ITGAL: variants seen among roughly 807,000 people sequenced by gnomAD.
ITGAL encodes the protein integrin subunit alpha L.
ITGAL carries 68 observed loss-of-function variants against 138.4 expected under a neutral mutation model. The ratio of observed to expected loss-of-function variants is 0.49; its 90% CI spans 0.40 to 0.60. ITGAL has a LOEUF of 0.60. ITGAL is among the 20% of genes least tolerant of loss of function. ITGAL has a pLI of 0.00. For missense variants in ITGAL, 1,256 were observed against 1,478.6 expected (o/e 0.85, Z 2.47); for synonymous variants, 561 against 584.3 (o/e 0.96, Z 0.57).
chr16:30,481,616 C>T lies in ITGAL; in HGVS notation c.722+32C>T, dbSNP rs889736287. ...TCCCTTTTGCAGGAGAGCACGTGTCCTGTGATTTGTTCTGGGTGATCTACC... is the reference window on the plus strand; with the variant it reads ...TCCCTTTTGCAGGAGAGCACGTGTCTTGTGATTTGTTCTGGGTGATCTACC... On this transcript the variant is annotated intron_variant, in intron 7 of 30. Transcript: ENST00000356798. 3.1e-6 allele frequency: 5 copies of T among 1,610,300 alleles called. No homozygotes were observed. In the African/African-American group the frequency reaches 6.7e-5, roughly 22 times the overall value.
intron 20 of ITGAL, among the ~76,000 whole-genome samples, chr16:30,506,476 G>A (rs1424991152): frequency 7.1e-6 from 1 of 141,010 alleles, no homozygotes; most frequent in Non-Finnish European, 1.5e-5. Flanking sequence ...GGAGAATGGC[G>A]TGAACCCGGG....
rs1567464671 is a variant in ITGAL, at chr16:30,481,185, A to ACAC, written c.577-253_577-251dup. The stretch of plus-strand genomic sequence containing the variant: ...ACACACACACACACACACACACACC[A>ACAC]CACACACACAAATATTCGGGTGTGG... On this transcript the variant is annotated intron_variant, in intron 6 of 30. Transcript: ENST00000356798. 44 of 373,596 alleles carry ACAC rather than the reference A, an allele frequency of 1.2e-4. No homozygotes were observed. In the East Asian group the frequency reaches 1.2e-3, roughly 10 times the overall value. The allele number at this position is 373,596 out of a possible 1,614,324, so 23.1% of individuals were successfully genotyped here.
intron 7 of ITGAL, 115 bp from the exon 8 acceptor site, chr16:30,483,712 A>T: frequency 8.7e-7 from 1 of 1,150,224 alleles, no homozygotes; most frequent in South Asian, 1.5e-5. Context: ...GGCCTGGGAG[A>T]TCCAGGAAGG....
chr16:30,479,059 A>T (rs1282610407), intron 4 of ITGAL, 32 bp from the exon 5 acceptor site: 1 of 1,552,182 alleles, frequency 6.4e-7, no homozygotes, highest in Non-Finnish European at 8.9e-7. Context: ...AGCAAATAGG[A>T]GACCCAAATC....
rs776423116 is a variant in ITGAL at position 30,510,929 on chromosome 16, G to T, written c.2668G>T (p.Asp890Tyr). The T allele has an allele frequency of 6.2e-7, 1 of 1,613,910 alleles. No homozygotes were observed. The highest frequency in any genetic ancestry group is 1.1e-5 in the South Asian group (1 of 91,070). The change falls in exon 23 of 31, where the codon GAC becomes TAC. Residue 890 changes from aspartate to tyrosine, a missense_variant. Asp to Tyr is a radical substitution (Grantham distance 160, BLOSUM62 -3). This residue lies in a region of ITGAL where 867 missense variants were observed against 972.5 expected (regional missense o/e 0.89). Transcript: ENST00000356798. The part of the protein sequence containing the change: ...FNTLVNSSWG[D>Y]SVELHANVTC... The stretch of plus-strand genomic sequence containing the variant: ...TACACTGGTAAACAGCTCCTGGGGG[G>T]ACTCGGTTGAATTGCACGCCAATGT...
At chr16:30,495,869 AT>A (rs1235877326) in intron 13 of ITGAL, among the ~76,000 whole-genome samples, 2 of 152,010 alleles carry the variant, frequency 1.3e-5, no homozygotes, top group Non-Finnish European at 1.5e-5. Context: ...TATCAAAAAA[AT>A]GTATATATAT....
chr16:30,514,180 G>A (rs1353952732), intron 25 of ITGAL, among the ~76,000 whole-genome samples: 1 of 152,020 alleles, frequency 6.6e-6, no homozygotes, highest in East Asian at 1.9e-4. Flanking sequence ...GTGCAATCTC[G>A]GCTCACTGCA....
intron 28 of ITGAL, 145 bp from the exon 29 acceptor site, chr16:30,518,479 T>C (rs554990280): frequency 5.2e-6 from 3 of 578,290 alleles, no homozygotes; most frequent in Non-Finnish European, 9.3e-6. Context: ...AAGAAAAGAA[T>C]GCCACAATAG....
chr16:30,488,481 G>A (rs1281164335), intron 9 of ITGAL, among the ~76,000 whole-genome samples: 1 of 151,936 alleles, frequency 6.6e-6, no homozygotes, highest in African/African-American at 2.4e-5. Context: ...GGGAGGCCGA[G>A]GCGGGTGGAT....
chr16:30,479,426 G>A lies in ITGAL; in HGVS notation c.541G>A (p.Asp181Asn). Reference sequence around the variant, plus strand: ...TCAGAAAATTCTGGACTTCATGAAGGATGTGATGAAGAAACTCAGCAACAC... The same window carrying A: ...TCAGAAAATTCTGGACTTCATGAAGAATGTGATGAAGAAACTCAGCAACAC... ...EFQKILDFMK[D>N]VMKKLSNTSY... Residue 181 changes from aspartate (D) to asparagine (N), a missense_variant, in exon 6 of 31, where the codon GAT becomes AAT. Asp to Asn is a conservative substitution (Grantham distance 23). Coordinates refer to ENST00000356798, the MANE Select transcript of ITGAL (RefSeq NM_002209.3). 1.2e-6 allele frequency: 2 copies of A among 1,614,008 alleles called. No homozygotes were observed. The highest frequency in any genetic ancestry group is 2.2e-5 in the East Asian group (1 of 44,886).
intron 30 of ITGAL, 47 bp downstream of exon 30, chr16:30,520,014 G>A: frequency 7.3e-7 from 1 of 1,377,256 alleles, no homozygotes; most frequent in Middle Eastern, 1.8e-4. Flanking sequence ...AGCCAGGCTG[G>A]GGAAGGGGAT....
At chr16:30,475,967 G>T (rs545997122) in intron 4 of ITGAL, among the ~76,000 whole-genome samples, 1 of 151,930 alleles carries the variant, frequency 6.6e-6, no homozygotes, top group South Asian at 2.1e-4. Context: ...GCCCAGACTG[G>T]TCTTGAGCTC....
chr16:30,518,764 A>G, intron 29 of ITGAL, 45 bp downstream of exon 29: 2 of 1,422,670 alleles, frequency 1.4e-6, no homozygotes, highest in South Asian at 1.1e-5. Flanking sequence ...CAACAGAGGG[A>G]GCCCAGGAGC....
chr16:30,504,036 G>C, intron 17 of ITGAL, 139 bp from the exon 18 acceptor site: 1 of 678,050 alleles, frequency 1.5e-6, no homozygotes, highest in Non-Finnish European at 2.6e-6. Context: ...GTAGTCAATG[G>C]ATTTTCAATA....
chr16:30,493,624 T>C (rs2151156080), intron 11 of ITGAL, among the ~76,000 whole-genome samples: 1 of 152,204 alleles, frequency 6.6e-6, no homozygotes, highest in Non-Finnish European at 1.5e-5. Flanking sequence ...GCACAGTGGC[T>C]TATGCCTGTA....
intron 4 of ITGAL, among the ~76,000 whole-genome samples, chr16:30,478,697 CAA>C (rs59193580): frequency 1.0e-4 from 11 of 106,594 alleles, no homozygotes; most frequent in Admixed American, 3.1e-4. Context: ...GACTCCATCT[CAA>C]AAAAAAAAAA....
At position 30,504,572 on chromosome 16, in the gene ITGAL, G is replaced by A. The variant is rs60245317; in HGVS notation, c.2235+308G>A. On this transcript the variant is annotated intron_variant, in intron 18 of 30. Transcript: ENST00000356798. ...AAAAAATTAGTTATTGTGATGGTGC[G>A]CCCCTGTAGTCCCAGCTACTTGGGA... is the stretch of plus-strand genomic sequence containing the variant. Among the ~76,000 whole-genome samples the A allele has an allele frequency of 7.6e-4, 115 of 152,018 alleles. No individual in the cohort carries two copies. In the East Asian group the frequency reaches 0.02, roughly 26 times the overall value.
At chr16:30,511,638 G>A (rs2051093007) in intron 24 of ITGAL, among the ~76,000 whole-genome samples, 1 of 152,174 alleles carries the variant, frequency 6.6e-6, no homozygotes, top group African/African-American at 2.4e-5. Context: ...CCCTCCTGGG[G>A]GCCGATAATG....
In ITGAL at chr16:30,489,265, C is replaced by T. The variant is rs775466389; in HGVS notation, c.1092C>T (p.Val364=). The T allele has an allele frequency of 4.2e-5, 67 of 1,613,932 alleles. 1 individual carries two copies. The South Asian group carries it at 4.5e-4, about 11-fold the overall frequency. The change falls in exon 11 of 31, where the codon GTC becomes GTT. Residue 364 remains valine, a synonymous_variant. Transcript: ENST00000356798. ...ISADLSRGHA[V]VGAVGAKDWA... ...CCTTCCCTGGGCAGGGCCATGCAGTCGTGGGGGCAGTAGGAGCCAAGGACT... is the reference window on the plus strand; with the variant it reads ...CCTTCCCTGGGCAGGGCCATGCAGTTGTGGGGGCAGTAGGAGCCAAGGACT...
Sources: allele counts gnomAD v4.1 joint callset (sites outside exome capture counted in the v4.1 genomes callset), GRCh38; gene constraint gnomAD v4.1.1; regional missense constraint gnomAD v4.1.1; transcripts MANE v1.5; gene names NCBI Gene and HGNC (gene_info 2026-07-23, HGNC 2026-07-21).